Variants in CSMD3 observed in about 807,000 individuals in gnomAD.
CSMD3 encodes the protein CUB and sushi domain-containing protein 3.
A neutral mutation model predicts 435.2 loss-of-function variants in CSMD3; 177 were observed. That is an observed-to-expected ratio of 0.41 (90% CI 0.36 to 0.46). CSMD3 has a LOEUF of 0.46. Ranked by LOEUF, CSMD3 falls within the 20% of genes least tolerant of loss-of-function variation. The pLI is 0.34. For synonymous variants in CSMD3, 1,656 were observed against 1,520.5 expected (o/e 1.09, Z -2.07); for missense variants, 4,265 against 4,504.6 (o/e 0.95, Z 1.52).
intron 2 of CSMD3, 52 bp downstream of exon 2, chr8:113,314,519 C>T (rs2132668431): frequency 4.5e-6 from 5 of 1,120,952 alleles, no homozygotes; most frequent in Non-Finnish European, 6.8e-6. Flanking sequence ...AAATAAACTA[C>T]TTTTACCCAG....
chr8:112,600,363 A>G (rs1177455175), intron 22 of CSMD3, among the ~76,000 whole-genome samples: 1 of 152,166 alleles, frequency 6.6e-6, no homozygotes, highest in Non-Finnish European at 1.5e-5. Context: ...TTTTTTGAAT[A>G]CTGCATATTG....
chr8:113,248,464 GTGTGATATATA>G lies in CSMD3; in HGVS notation c.514+30117_514+30127del, dbSNP rs1479705474. On this transcript the variant is annotated intron_variant, in intron 3 of 70. Coordinates refer to ENST00000297405, the MANE Select transcript of CSMD3 (RefSeq NM_198123.2). Reference sequence around the variant, plus strand: ...AAATAATATGGAAATATATGTGTGTGTGTGATATATATGTATATATACATATATATACACAC... The same window carrying G: ...AAATAATATGGAAATATATGTGTGTGTGTATATATACATATATATACACAC... Among the ~76,000 whole-genome samples, 8 of 2,452 alleles carry G rather than the reference GTGTGATATATA, an allele frequency of 3.3e-3. No individual in the cohort carries two copies. The Non-Finnish European group carries it at 0.045, about 14-fold the overall frequency. 1.6% of individuals were successfully genotyped at this position (2,452 alleles called of 152,430 possible).
chr8:112,517,023 T>G lies in CSMD3; in HGVS notation c.4756+11A>C. 1 of 1,602,772 alleles carries G rather than the reference T, an allele frequency of 6.2e-7. No homozygotes were observed. ...GTTTATATAAAATTTTAATTGTTCT[T>G]TAATTCATACCTATACAGACTGGTG... On this transcript the variant is annotated intron_variant, in intron 28 of 70. Transcript: ENST00000297405.
intron 4 of CSMD3, among the ~76,000 whole-genome samples, chr8:113,126,044 T>TA (rs993323664): frequency 2.0e-5 from 3 of 152,016 alleles, no homozygotes; most frequent in African/African-American, 7.2e-5. Flanking sequence ...GTACTGATGT[T>TA]ACAGTATAAT....
chr8:112,758,995 CAG>C (rs1421062580), intron 13 of CSMD3, among the ~76,000 whole-genome samples: 3 of 152,136 alleles, frequency 2.0e-5, no homozygotes, highest in Middle Eastern at 3.4e-3. Flanking sequence ...AATTCAAAGA[CAG>C]GGTTTAATTT....
At chr8:113,201,505 G>A (rs1214452192) in intron 3 of CSMD3, among the ~76,000 whole-genome samples, 1 of 151,822 alleles carries the variant, frequency 6.6e-6, no homozygotes, top group Non-Finnish European at 1.5e-5. Context: ...TTAGATTTTT[G>A]TTTTTGATAA....
chr8:112,872,167 G>A (rs965202955), intron 10 of CSMD3, among the ~76,000 whole-genome samples: 1 of 151,964 alleles, frequency 6.6e-6, no homozygotes, highest in Non-Finnish European at 1.5e-5. Context: ...ATTTAAATCA[G>A]CATCTGGAAC....
At chr8:112,706,589 T>C (rs2076503852) in intron 13 of CSMD3, among the ~76,000 whole-genome samples, 1 of 151,978 alleles carries the variant, frequency 6.6e-6, no homozygotes, top group Non-Finnish European at 1.5e-5. Context: ...AAAGAGCACA[T>C]TTGGAAAAAT....
chr8:113,027,803 G>C (rs988938932), intron 5 of CSMD3, among the ~76,000 whole-genome samples: 2 of 151,772 alleles, frequency 1.3e-5, no homozygotes, highest in Non-Finnish European at 2.9e-5. Context: ...CTTATTTCCA[G>C]GATCTATCCT....
intron 2 of CSMD3, among the ~76,000 whole-genome samples, chr8:113,292,178 A>G (rs1362518633): frequency 6.6e-6 from 1 of 151,702 alleles, no homozygotes; most frequent in African/African-American, 2.4e-5. Flanking sequence ...TTGATGGAAT[A>G]GAAGAATGAT....
At chr8:113,176,673 C>A (rs1209580565) in intron 3 of CSMD3, among the ~76,000 whole-genome samples, 1 of 151,924 alleles carries the variant, frequency 6.6e-6, no homozygotes, top group Non-Finnish European at 1.5e-5. Context: ...AAACCAAACA[C>A]CACATATTCT....
At chr8:112,330,863 T>C (rs150949299) in intron 45 of CSMD3, among the ~76,000 whole-genome samples, 2 of 152,126 alleles carry the variant, frequency 1.3e-5, no homozygotes, top group Admixed American at 6.6e-5. Flanking sequence ...AAGAATACAA[T>C]GAATTTTAGC....
intron 13 of CSMD3, among the ~76,000 whole-genome samples, chr8:112,699,176 G>A (rs2076328459): frequency 1.3e-5 from 2 of 152,160 alleles, no homozygotes; most frequent in African/African-American, 4.8e-5. Context: ...AATAAATCTT[G>A]CTGCTGCTCA....
chr8:112,278,246 C>G (rs1015917083), intron 59 of CSMD3, among the ~76,000 whole-genome samples: 3 of 152,172 alleles, frequency 2.0e-5, no homozygotes, highest in Non-Finnish European at 4.4e-5. Context: ...TGATAACTGG[C>G]TCTGCTGCCA....
intron 6 of CSMD3, 107 bp from the exon 7 acceptor site, chr8:112,976,255 TC>T: frequency 7.5e-7 from 1 of 1,329,868 alleles, no homozygotes. Context: ...TTAAGGATAA[TC>T]AACATGAAGA....
At chr8:113,357,549 C>G (rs377151102) in intron 1 of CSMD3, among the ~76,000 whole-genome samples, 4 of 152,132 alleles carry the variant, frequency 2.6e-5, no homozygotes, top group African/African-American at 9.6e-5. Context: ...ATAAACACAA[C>G]GTTGTTGTAT....
At chr8:112,996,594 T>C (rs2085661558) in intron 6 of CSMD3, among the ~76,000 whole-genome samples, 1 of 151,624 alleles carries the variant, frequency 6.6e-6, no homozygotes. Context: ...AGTAGTTTCT[T>C]TGATATGGCT....
chr8:112,249,398 CA>C (rs999273308), intron 63 of CSMD3, among the ~76,000 whole-genome samples: 2 of 152,048 alleles, frequency 1.3e-5, no homozygotes, highest in Non-Finnish European at 2.9e-5. Context: ...GTTTCGTACT[CA>C]GTGGATCTGG....
intron 3 of CSMD3, among the ~76,000 whole-genome samples, chr8:113,235,504 A>G (rs1304985413): frequency 6.6e-6 from 1 of 152,136 alleles, no homozygotes; most frequent in Non-Finnish European, 1.5e-5. Flanking sequence ...TATGGGCCAC[A>G]GTAGGAAAAA....
Sources: gnomAD v4.1 joint callset for allele counts (sites outside exome capture counted in the v4.1 genomes callset) on GRCh38, gnomAD v4.1.1 for gene constraint, MANE v1.5 for transcripts, NCBI Gene and HGNC (gene_info 2026-07-23, HGNC 2026-07-21) for gene names.